The following CACNA2D3 variants were observed in gnomAD, a reference collection of about 807,000 sequenced individuals.
CACNA2D3 encodes calcium voltage-gated channel auxiliary subunit alpha2delta 3.
In CACNA2D3, 60 loss-of-function variants were observed where a neutral mutation model predicts 160.6. The ratio of observed to expected loss-of-function variants is 0.37; its 90% CI spans 0.30 to 0.46. The LOEUF is 0.46. CACNA2D3 is among the 20% of genes least tolerant of loss of function. The probability of loss-of-function intolerance (pLI) is 1.00; values close to 1 mark genes in which losing one functional copy is unlikely to be tolerated. For missense variants in CACNA2D3, 1,205 were observed against 1,365.0 expected (o/e 0.88, Z 1.85); for synonymous variants, 558 against 492.9 (o/e 1.13, Z -1.75).
intron 4 of CACNA2D3, among the ~76,000 whole-genome samples, chr3:54,496,927 T>C (rs1701212050): frequency 6.6e-6 from 1 of 152,156 alleles, no homozygotes; most frequent in South Asian, 2.1e-4. Context: ...ATTGACCATA[T>C]ATGTGCAGCT....
Position 54,570,230 on chromosome 3 carries a change from T to C in CACNA2D3, c.888+126T>C, listed in dbSNP as rs1702472293. On this transcript the variant is annotated intron_variant, in intron 8 of 37. Coordinates refer to ENST00000474759, the MANE Select transcript of CACNA2D3 (RefSeq NM_018398.3). ...ATGCCAGAACATGAGGCCTGGTTAG[T>C]CTCATGAAAGTTGACAGAGTCATGG... 6.0e-6 allele frequency: 6 copies of C among 1,005,092 alleles called. No homozygotes were observed. In the East Asian group the frequency reaches 7.2e-5, roughly 12 times the overall value. 62.3% of individuals were successfully genotyped at this position (1,005,092 alleles called of 1,614,324 possible).
chr3:55,069,099 C>T (rs760451122), intron 35 of CACNA2D3, among the ~76,000 whole-genome samples: 32 of 152,144 alleles, frequency 2.1e-4, no homozygotes, highest in Admixed American at 3.9e-4. Context: ...ATTGAACCCG[C>T]TTTTACCTAT....
rs1448228409 is a variant in CACNA2D3 at position 54,122,756 on chromosome 3, T to C, written c.43T>C (p.Ser15Pro). 10 of 1,221,982 alleles carry C rather than the reference T, an allele frequency of 8.2e-6. No homozygotes were observed. The highest frequency in any genetic ancestry group is 1.0e-5 in the Non-Finnish European group (10 of 979,328). 75.7% of individuals were successfully genotyped at this position (1,221,982 alleles called of 1,614,324 possible). A position where few individuals can be genotyped will look rare whatever the true frequency, so the allele number is the denominator to read the frequency against. The change falls in exon 1 of 38, where the codon TCG becomes CCG. Residue 15 changes from serine to proline, a missense_variant. This residue lies in a region of CACNA2D3 where 163 missense variants were observed against 161.3 expected (regional missense o/e 1.01). Transcript: ENST00000474759. ...GSPRRASRGA[S>P]ALLAAALLYA... The stretch of plus-strand genomic sequence containing the variant: ...GCCGCGCCGCGCGTCCCGGGGGGCC[T>C]CGGCGCTTCTCGCTGCCGCGCTTCT...
At chr3:54,334,650 G>A (rs1290529388) in intron 3 of CACNA2D3, among the ~76,000 whole-genome samples, 1 of 152,276 alleles carries the variant, frequency 6.6e-6, no homozygotes, top group Non-Finnish European at 1.5e-5. Context: ...CCTCAGACTA[G>A]CCCCAAGCCC....
At chr3:54,824,386 T>C (rs372499499) in intron 14 of CACNA2D3, among the ~76,000 whole-genome samples, 2 of 152,202 alleles carry the variant, frequency 1.3e-5, no homozygotes, top group African/African-American at 4.8e-5. Context: ...ACACCTCTGG[T>C]TGGGGGAAGG....
At chr3:54,415,150 T>C (rs1220033006) in intron 4 of CACNA2D3, among the ~76,000 whole-genome samples, 1 of 152,130 alleles carries the variant, frequency 6.6e-6, no homozygotes, top group African/African-American at 2.4e-5. Context: ...TAAAACTTAG[T>C]GTTTCTTTCA....
intron 5 of CACNA2D3, among the ~76,000 whole-genome samples, chr3:54,559,382 T>C (rs1702289464): frequency 6.6e-6 from 1 of 152,226 alleles, no homozygotes; most frequent in South Asian, 2.1e-4. Context: ...AACCTCCGCC[T>C]CCCAGGTTCA....
chr3:54,198,887 C>T (rs546855612), intron 2 of CACNA2D3, among the ~76,000 whole-genome samples: 4 of 152,350 alleles, frequency 2.6e-5, no homozygotes, highest in Non-Finnish European at 4.4e-5. Context: ...GAGTGATGGC[C>T]GTGGCCGGGA....
At chr3:54,336,353 T>C (rs959205062) in intron 3 of CACNA2D3, among the ~76,000 whole-genome samples, 14 of 151,984 alleles carry the variant, frequency 9.2e-5, no homozygotes, top group African/African-American at 3.4e-4. Context: ...TCTTGCTTGT[T>C]TGAGAGAGGG....
chr3:54,170,189 CAAA>C (rs1304301578), intron 2 of CACNA2D3, among the ~76,000 whole-genome samples: 2 of 73,252 alleles, frequency 2.7e-5, no homozygotes, highest in African/African-American at 4.4e-5. Context: ...GCCTCCATCT[CAAA>C]AAAAAAAAAA....
At chr3:54,511,349 GT>G (rs372196894) in intron 5 of CACNA2D3, among the ~76,000 whole-genome samples, 25 of 148,896 alleles carry the variant, frequency 1.7e-4, no homozygotes, top group Non-Finnish European at 2.4e-4. Context: ...CAGGGGCTGT[GT>G]TTTTTTTTTC....
intron 9 of CACNA2D3, among the ~76,000 whole-genome samples, chr3:54,625,459 C>T (rs1559530478): frequency 6.6e-6 from 1 of 152,094 alleles, no homozygotes. Flanking sequence ...GATGGAACCT[C>T]ACATGATTGT....
intron 4 of CACNA2D3, among the ~76,000 whole-genome samples, chr3:54,489,069 C>A (rs1256345343): frequency 6.6e-6 from 1 of 152,120 alleles, no homozygotes; most frequent in Non-Finnish European, 1.5e-5. Flanking sequence ...ACCAGGGAGG[C>A]TGAATGGAGG....
chr3:54,132,778 G>A (rs566967560), intron 2 of CACNA2D3, among the ~76,000 whole-genome samples: 1 of 152,302 alleles, frequency 6.6e-6, no homozygotes, highest in African/African-American at 2.4e-5. Flanking sequence ...GTCTGAATCT[G>A]AGTGACGACA....
At chr3:54,418,688 A>G (rs539288008) in intron 4 of CACNA2D3, among the ~76,000 whole-genome samples, 7 of 152,230 alleles carry the variant, frequency 4.6e-5, no homozygotes, top group Admixed American at 4.6e-4. Context: ...GACTGGGTAT[A>G]TTTCTTACAT....
intron 27 of CACNA2D3, among the ~76,000 whole-genome samples, chr3:54,909,215 T>G (rs1700508280): frequency 6.6e-6 from 1 of 152,206 alleles, no homozygotes; most frequent in African/African-American, 2.4e-5. Flanking sequence ...TTAGTTAATC[T>G]TCACTCTAGC....
intron 27 of CACNA2D3, among the ~76,000 whole-genome samples, chr3:54,947,959 C>T (rs1045560819): frequency 2.6e-5 from 4 of 152,174 alleles, no homozygotes; most frequent in African/African-American, 9.7e-5. Context: ...AAATCTAGCA[C>T]CAGCTCCTTA....
At chr3:54,546,110 A>G (rs1167221225) in intron 5 of CACNA2D3, among the ~76,000 whole-genome samples, 1 of 152,154 alleles carries the variant, frequency 6.6e-6, no homozygotes, top group African/African-American at 2.4e-5. Flanking sequence ...TGGCCCTATA[A>G]GGGGAAAGGC....
chr3:54,520,477 A>T (rs1308092303), intron 5 of CACNA2D3, among the ~76,000 whole-genome samples: 1 of 152,158 alleles, frequency 6.6e-6, no homozygotes, highest in Non-Finnish European at 1.5e-5. Flanking sequence ...GGAAGGAGTA[A>T]CCTTTTAGCT....
Sources: gnomAD v4.1 joint callset for allele counts (sites outside exome capture counted in the v4.1 genomes callset) on GRCh38, gnomAD v4.1.1 for gene constraint, gnomAD v4.1.1 regional missense constraint, MANE v1.5 for transcripts, NCBI Gene and HGNC (gene_info 2026-07-23, HGNC 2026-07-21) for gene names.